SMCP: variants seen among roughly 807,000 people sequenced by gnomAD.
SMCP encodes sperm mitochondria associated cysteine rich protein.
For missense variants in SMCP, 137 were observed against 137.1 expected (o/e 1.00, Z 0.01); for synonymous variants, 41 against 46.9 (o/e 0.87, Z 0.51).
intron 1 of SMCP, among the ~76,000 whole-genome samples, chr1:152,883,866 A>G (rs1335992125): frequency 1.3e-5 from 2 of 152,248 alleles, no homozygotes; most frequent in Non-Finnish European, 2.9e-5. Flanking sequence ...GGTCACTCTA[A>G]GTGCAAGAGT....
chr1:152,880,528 C>T (rs1038051105), intron 1 of SMCP, among the ~76,000 whole-genome samples: 6 of 152,142 alleles, frequency 3.9e-5, no homozygotes, highest in African/African-American at 4.8e-5. Flanking sequence ...TCTCTCCTTC[C>T]TGTTCTCTCT....
intron 1 of SMCP, among the ~76,000 whole-genome samples, chr1:152,881,895 T>C (rs1028565836): frequency 5.3e-5 from 8 of 152,166 alleles, no homozygotes; most frequent in African/African-American, 1.7e-4. Flanking sequence ...TATAAAACCA[T>C]CAGATTTTGT....
Position 152,884,688 on chromosome 1 carries a change from C to G in SMCP, c.266C>G (p.Pro89Arg), listed in dbSNP as rs1338386442. 9 of 1,614,196 alleles carry G rather than the reference C, an allele frequency of 5.6e-6. No individual in the cohort carries two copies. In the East Asian group the frequency reaches 2.0e-4, roughly 36 times the overall value. Residue 89 changes from proline to arginine, a missense_variant, in exon 2 of 2, where the codon CCC (proline) becomes CGC (arginine). By Grantham distance (103) the Pro-to-Arg change is moderately radical. Transcript: ENST00000368765. ...TCACCCCTTAACATGGAGTCTGAGC[C>G]CAACTCACCGCAAACTCAGGACAAG... ...EVSPLNMESE[P>R]NSPQTQDKGC...
chr1:152,880,996 A>G (rs1237069921), intron 1 of SMCP, among the ~76,000 whole-genome samples: 1 of 151,858 alleles, frequency 6.6e-6, no homozygotes, highest in African/African-American at 2.4e-5. Context: ...TCCCACAGAG[A>G]AACCCTGAGA....
At chr1:152,882,782 G>C (rs965945702) in intron 1 of SMCP, among the ~76,000 whole-genome samples, 1 of 152,168 alleles carries the variant, frequency 6.6e-6, no homozygotes, top group Non-Finnish European at 1.5e-5. Context: ...ATTGGCTCAC[G>C]CCTGTAATCC....
At position 152,884,614 on chromosome 1, in the gene SMCP, A is replaced by C; in HGVS notation, c.192A>C (p.Pro64=). The change falls in exon 2 of 2, where the codon CCA becomes CCC. Residue 64 remains proline, a synonymous_variant. Transcript: ENST00000368765. ...ATCACTGCTGCCAGCCAAAACCCCC[A>C]TGCTGCATTCAGGCCAGGTGCTGTG... The part of the protein sequence containing the change: ...KHNHCCQPKP[P]CCIQARCCGL... 1 of 1,614,072 alleles carries C rather than the reference A, an allele frequency of 6.2e-7. No homozygotes were observed. The highest frequency in any genetic ancestry group is 8.5e-7 in the Non-Finnish European group (1 of 1,180,010).
At chr1:152,879,262 C>T (rs1648963296) in intron 1 of SMCP, among the ~76,000 whole-genome samples, 1 of 152,058 alleles carries the variant, frequency 6.6e-6, no homozygotes, top group African/African-American at 2.4e-5. Flanking sequence ...ACTCTGTCAC[C>T]CAGGCTGGAG....
intron 1 of SMCP, among the ~76,000 whole-genome samples, chr1:152,878,847 A>G (rs1331509333): frequency 6.6e-6 from 1 of 152,222 alleles, no homozygotes; most frequent in Non-Finnish European, 1.5e-5. Context: ...AACGATATTC[A>G]GTGAGCATGT....
intron 1 of SMCP, among the ~76,000 whole-genome samples, chr1:152,882,268 G>T (rs996182405): frequency 6.6e-6 from 1 of 152,152 alleles, no homozygotes; most frequent in Non-Finnish European, 1.5e-5. Context: ...ACTGTGTCCG[G>T]CCCTCCCCCA....
chr1:152,879,772 C>T (rs1480006545), intron 1 of SMCP, among the ~76,000 whole-genome samples: 5 of 152,160 alleles, frequency 3.3e-5, no homozygotes, highest in Admixed American at 6.5e-5. Context: ...CTGTCCTTCT[C>T]TGATATTGCA....
intron 1 of SMCP, among the ~76,000 whole-genome samples, chr1:152,883,759 T>C (rs1367339636): frequency 6.6e-6 from 1 of 152,164 alleles, no homozygotes; most frequent in Non-Finnish European, 1.5e-5. Flanking sequence ...AGTCCTGCCA[T>C]GCCAAGAGCA....
intron 1 of SMCP, among the ~76,000 whole-genome samples, chr1:152,879,390 T>C (rs911443575): frequency 6.6e-6 from 1 of 151,992 alleles, no homozygotes; most frequent in Non-Finnish European, 1.5e-5. Context: ...CCAGCTAATT[T>C]TTGTATTTTC....
intron 1 of SMCP, among the ~76,000 whole-genome samples, chr1:152,879,833 C>G (rs904694734): frequency 6.6e-6 from 1 of 152,096 alleles, no homozygotes; most frequent in Non-Finnish European, 1.5e-5. Flanking sequence ...GGGGGACATG[C>G]TTGGAGTGGG....
intron 1 of SMCP, among the ~76,000 whole-genome samples, chr1:152,883,545 G>T (rs1649117958): frequency 6.6e-6 from 1 of 152,180 alleles, no homozygotes; most frequent in African/African-American, 2.4e-5. Context: ...AGCAAGAGTT[G>T]TTTGGATTTT....
In SMCP at chr1:152,884,847, G is replaced by C. The variant is rs1044699002; in HGVS notation, c.*74G>C. Reference sequence around the variant, plus strand: ...ACTTTGTAGGGTGGGGGATTACTGAGAGTCAGGCTAGACCTGTGTTTAGAG... The same window carrying C: ...ACTTTGTAGGGTGGGGGATTACTGACAGTCAGGCTAGACCTGTGTTTAGAG... On this transcript the variant is annotated 3_prime_UTR_variant, in exon 2 of 2. Transcript: ENST00000368765. The C allele has an allele frequency of 1.5e-6, 2 of 1,353,870 alleles. No homozygotes were observed. The highest frequency in any genetic ancestry group is 2.1e-6 in the Non-Finnish European group (2 of 969,098). 83.9% of individuals were successfully genotyped at this position (1,353,870 alleles called of 1,614,324 possible).
intron 1 of SMCP, among the ~76,000 whole-genome samples, chr1:152,881,000 C>T (rs1160416205): frequency 5.6e-3 from 1 of 178 alleles, no homozygotes; most frequent in Admixed American, 0.042. Flanking sequence ...ACAGAGAAAC[C>T]CTGAGATGAG....
rs115379529 is a variant in SMCP, at chr1:152,884,816, C to A, written c.*43C>A. 8.7e-5 allele frequency: 135 copies of A among 1,550,828 alleles called. No individual in the cohort carries two copies. Among genetic ancestry groups the A allele is most frequent in the Non-Finnish European group, 1.0e-4 (113 of 1,131,440 alleles). ...CAAAGAAGAAGTCCCTGGGGCCATG[C>A]CTTTCACTTTGTAGGGTGGGGGATT... On this transcript the variant is annotated 3_prime_UTR_variant, in exon 2 of 2. Transcript: ENST00000368765.
chr1:152,879,196 G>C (rs1030754590), intron 1 of SMCP, among the ~76,000 whole-genome samples: 1 of 152,142 alleles, frequency 6.6e-6, no homozygotes, highest in East Asian at 1.9e-4. Flanking sequence ...GGAGCTTGGA[G>C]AGAATATTTA....
chr1:152,881,336 G>A lies in SMCP; in HGVS notation c.-21+2890G>A, dbSNP rs138677458. Among the ~76,000 whole-genome samples the A allele has an allele frequency of 1.8e-3, 268 of 152,254 alleles. 2 individuals carry two copies. Among genetic ancestry groups the A allele is most frequent in the African/African-American group, 5.5e-3 (229 of 41,568 alleles). On this transcript the variant is annotated intron_variant, in intron 1 of 1. Coordinates refer to ENST00000368765, the MANE Select transcript of SMCP (RefSeq NM_030663.3). ...TGGAGAATCCTGCACACCTTCAGGA[G>A]AGGATGATACAGATTTTTGTCCTAC...
Sources: allele counts gnomAD v4.1 joint callset (sites outside exome capture counted in the v4.1 genomes callset), GRCh38; gene constraint gnomAD v4.1.1; transcripts MANE v1.5; gene names NCBI Gene and HGNC (gene_info 2026-07-23, HGNC 2026-07-21).